DLGAP2: variants seen among roughly 807,000 people sequenced by gnomAD.
DLGAP2 encodes disks large-associated protein 2.
In DLGAP2, 26 loss-of-function variants were observed where a neutral mutation model predicts 100.3. The observed-to-expected ratio is 0.26, with a 90% confidence interval of 0.19 to 0.36. The LOEUF (loss-of-function observed/expected upper bound fraction) is 0.36. DLGAP2 is among the 10% of genes least tolerant of loss of function. The probability of loss-of-function intolerance (pLI) is 1.00; values close to 1 mark genes in which losing one functional copy is unlikely to be tolerated. For missense variants in DLGAP2, 1,858 were observed against 1,453.2 expected, an observed-to-expected ratio of 1.28 and a Z score of -4.53; for synonymous variants, 886 against 630.1, an observed-to-expected ratio of 1.41 and a Z score of -6.08.
chr8:1,493,960 G>T (rs1339111691), intron 3 of DLGAP2, among the ~76,000 whole-genome samples: 2 of 152,228 alleles, frequency 1.3e-5, no homozygotes, highest in African/African-American at 4.8e-5. Context: ...AGACTGGTGG[G>T]AACGTGTTGT....
At chr8:1,226,778 A>G (rs1308012034) in intron 2 of DLGAP2, among the ~76,000 whole-genome samples, 1 of 152,128 alleles carries the variant, frequency 6.6e-6, no homozygotes, top group African/African-American at 2.4e-5. Context: ...AGTAAACATC[A>G]GTAATCCTCA....
In DLGAP2 at chr8:1,615,378, C is replaced by T. The variant is rs1037471761; in HGVS notation, c.1443-11362C>T. On this transcript the variant is annotated intron_variant, in intron 6 of 14. Transcript: ENST00000637795. Reference sequence around the variant, plus strand: ...AGCAGGTGCCGGGGTCTCTGCCAGTCGTGTCCTTTATGCCGAAAAGAGGCT... The same window carrying T: ...AGCAGGTGCCGGGGTCTCTGCCAGTTGTGTCCTTTATGCCGAAAAGAGGCT... Among the ~76,000 whole-genome samples, 6 of 152,298 alleles carry T rather than the reference C, an allele frequency of 3.9e-5. No individual in the cohort carries two copies. The South Asian group carries it at 6.2e-4, about 16-fold the overall frequency.
chr8:1,255,019 T>G (rs1312081969), intron 2 of DLGAP2, among the ~76,000 whole-genome samples: 2 of 115,654 alleles, frequency 1.7e-5, no homozygotes, highest in African/African-American at 3.4e-5. Context: ...GGGCGCTGTG[T>G]GTGTGTCTTC....
intron 2 of DLGAP2, among the ~76,000 whole-genome samples, chr8:998,311 T>TAGAC (rs1189413498): frequency 6.6e-6 from 1 of 152,192 alleles, no homozygotes; most frequent in Non-Finnish European, 1.5e-5. Context: ...TCAGTTTATC[T>TAGAC]AGACAGATAG....
intron 1 of DLGAP2, among the ~76,000 whole-genome samples, chr8:876,760 T>C (rs888022848): frequency 6.6e-6 from 1 of 152,198 alleles, no homozygotes; most frequent in African/African-American, 2.4e-5. Flanking sequence ...GATGTTCTCA[T>C]TGTGCTTGTG....
chr8:945,214 A>G (rs145517957), intron 2 of DLGAP2, among the ~76,000 whole-genome samples: 81 of 152,274 alleles, frequency 5.3e-4, no homozygotes, highest in African/African-American at 1.9e-3. Flanking sequence ...AGTGTTTTAA[A>G]TCCAAGGCAC....
chr8:1,468,882 C>A (rs1798704303), intron 3 of DLGAP2, among the ~76,000 whole-genome samples: 1 of 152,178 alleles, frequency 6.6e-6, no homozygotes, highest in Admixed American at 6.5e-5. Flanking sequence ...CCCAGACTCT[C>A]TTCCCGTGTC....
At chr8:1,376,961 A>C (rs1795959693) in intron 3 of DLGAP2, among the ~76,000 whole-genome samples, 1 of 152,230 alleles carries the variant, frequency 6.6e-6, no homozygotes, top group Non-Finnish European at 1.5e-5. Context: ...ACTGATTTGT[A>C]ATCACACCAT....
rs994655277 is a variant in DLGAP2, at chr8:1,305,777, G to A, written c.106+46894G>A. Among the ~76,000 whole-genome samples, 5 of 152,270 alleles carry A rather than the reference G, an allele frequency of 3.3e-5. No individual in the cohort carries two copies. The South Asian group carries it at 6.2e-4, about 19-fold the overall frequency. On this transcript the variant is annotated intron_variant, in intron 3 of 14. Coordinates refer to ENST00000637795, the MANE Select transcript of DLGAP2 (RefSeq NM_001346810.2). ...GTTCCTTCAGTAAATCAGGACATTC[G>A]AGAGCACTTGAGTAACAACAGCTAC...
At chr8:1,495,081 C>T (rs1328963933) in intron 3 of DLGAP2, among the ~76,000 whole-genome samples, 1 of 152,212 alleles carries the variant, frequency 6.6e-6, no homozygotes, top group Admixed American at 6.5e-5. Flanking sequence ...CACCAGGTGG[C>T]AGCTCAGCCC....
intron 3 of DLGAP2, among the ~76,000 whole-genome samples, chr8:1,415,010 AAAGAAAAAAAAAG>A (rs1387856106): frequency 2.0e-5 from 3 of 151,546 alleles, no homozygotes; most frequent in South Asian, 2.1e-4. Flanking sequence ...CTCCGTCTCA[AAAGAAAAAAAAAG>A]AAGAAAAAAA....
intron 1 of DLGAP2, among the ~76,000 whole-genome samples, chr8:871,052 G>C (rs1014648380): frequency 2.0e-5 from 3 of 152,200 alleles, no homozygotes; most frequent in Admixed American, 1.3e-4. Context: ...AACCTTCCCT[G>C]AGATGTTCTG....
At chr8:1,026,787 G>A (rs914893695) in intron 2 of DLGAP2, among the ~76,000 whole-genome samples, 2 of 152,176 alleles carry the variant, frequency 1.3e-5, no homozygotes, top group Admixed American at 1.3e-4. Flanking sequence ...CGTATTCTAT[G>A]CTTTAGGTAA....
intron 1 of DLGAP2, chr8:822,148 T>G (rs6559190): frequency 1 from 398,296 of 399,660 alleles, 198,485 homozygotes; most frequent in South Asian, 1. Flanking sequence ...TCGCGGCTGC[T>G]AACCCTCTGC....
At chr8:837,122 C>A (rs947549361) in intron 1 of DLGAP2, among the ~76,000 whole-genome samples, 3 of 152,244 alleles carry the variant, frequency 2.0e-5, no homozygotes, top group Non-Finnish European at 2.9e-5. Context: ...CTCCATGTTC[C>A]CATCTGTGAC....
chr8:1,150,421 G>A (rs2129051462), intron 2 of DLGAP2, among the ~76,000 whole-genome samples: 1 of 152,296 alleles, frequency 6.6e-6, no homozygotes, highest in South Asian at 2.1e-4. Flanking sequence ...GTTTTACCCT[G>A]CTGTCCTAGG....
intron 8 of DLGAP2, among the ~76,000 whole-genome samples, chr8:1,661,669 A>C (rs1189401848): frequency 6.6e-6 from 1 of 152,182 alleles, no homozygotes; most frequent in Non-Finnish European, 1.5e-5. Flanking sequence ...CTTTGGTCTC[A>C]TTGTCTAGAT....
At chr8:812,108 G>C (rs765285387) in intron 1 of DLGAP2, among the ~76,000 whole-genome samples, 1 of 152,234 alleles carries the variant, frequency 6.6e-6, no homozygotes, top group African/African-American at 2.4e-5. Context: ...AAGAGGGAGG[G>C]AAGGAGAGAG....
chr8:840,751 C>T (rs1563058381), intron 1 of DLGAP2, among the ~76,000 whole-genome samples: 1 of 151,812 alleles, frequency 6.6e-6, no homozygotes, highest in Non-Finnish European at 1.5e-5. Context: ...GCACGTTTCC[C>T]CACACTCTGG....
Sources: allele counts gnomAD v4.1 joint callset (sites outside exome capture counted in the v4.1 genomes callset), GRCh38; gene constraint gnomAD v4.1.1; transcripts MANE v1.5; gene names NCBI Gene and HGNC (gene_info 2026-07-23, HGNC 2026-07-21).